Variants in JAM3 observed in about 807,000 individuals in gnomAD.
JAM3 encodes the protein junctional adhesion molecule 3, also known as junctional adhesion molecule C.
JAM3 carries 31 observed loss-of-function variants against 39.4 expected under a neutral mutation model. The observed-to-expected ratio is 0.79, with a 90% CI of 0.59 to 1.06. The LOEUF (loss-of-function observed/expected upper bound fraction) is 1.06. Ranked by LOEUF, JAM3 falls within the 50% of genes least tolerant of loss-of-function variation. The pLI is 0.00. For synonymous variants in JAM3, 182 were observed against 148.7 expected (o/e 1.22, Z -1.63); for missense variants, 455 against 391.4 (o/e 1.16, Z -1.37).
intron 1 of JAM3, among the ~76,000 whole-genome samples, chr11:134,127,727 A>G (rs1194831665): frequency 6.6e-6 from 1 of 152,234 alleles, no homozygotes; most frequent in African/African-American, 2.4e-5. Flanking sequence ...GATGCCTTTG[A>G]AAATAAATAC....
At chr11:134,144,211 GT>G (rs750770795) in intron 3 of JAM3, 29 bp from the exon 4 acceptor site, 3 of 1,613,788 alleles carry the variant, frequency 1.9e-6, no homozygotes, top group East Asian at 4.5e-5. Context: ...CTTTAAAGAA[GT>G]TTTTTAGTGC....
chr11:134,144,166 C>A, intron 3 of JAM3, 75 bp from the exon 4 acceptor site: 5 of 1,489,394 alleles, frequency 3.4e-6, no homozygotes, highest in Non-Finnish European at 4.7e-6. Flanking sequence ...CTAGTGCTAG[C>A]CCCAGAAACC....
At chr11:134,100,333 C>G (rs913689134) in intron 1 of JAM3, among the ~76,000 whole-genome samples, 13 of 152,150 alleles carry the variant, frequency 8.5e-5, no homozygotes, top group Non-Finnish European at 1.5e-4. Flanking sequence ...TGCTTTCCAC[C>G]CACAGAGCCT....
In JAM3 at chr11:134,122,378, C is replaced by G. The variant is rs553717464; in HGVS notation, c.77-17473C>G. 3.3e-5 allele frequency among the ~76,000 whole-genome samples: 5 copies of G among 152,202 alleles called. No individual in the cohort carries two copies. The East Asian group carries it at 9.6e-4, about 29-fold the overall frequency. ...TTTAGAGGTAAAAATAGTGCAAGAG[C>G]CCCTGATGGTACCCCTCTACCTGCT... On this transcript the variant is annotated intron_variant, in intron 1 of 8. Transcript: ENST00000299106.
chr11:134,104,824 A>G (rs1208159591), intron 1 of JAM3, among the ~76,000 whole-genome samples: 1 of 152,182 alleles, frequency 6.6e-6, no homozygotes, highest in Non-Finnish European at 1.5e-5. Context: ...GAATCCCTGA[A>G]TAGACCAATA....
rs1312622682 is a variant in JAM3, at chr11:134,150,399, G to A, written c.*1218G>A. ...CCAGTCAGCTCCTGGGGTTGCGCCA[G>A]GCGCCCCCGCTCTAGCTCACTGTTG... On this transcript the variant is annotated 3_prime_UTR_variant, in exon 9 of 9. Transcript: ENST00000299106. 1 of 152,328 alleles carries A rather than the reference G, an allele frequency of 6.6e-6. No homozygotes were observed. The highest frequency in any genetic ancestry group is 1.5e-5 in the Non-Finnish European group (1 of 68,098). 9.4% of individuals were successfully genotyped at this position (152,328 alleles called of 1,614,324 possible). A position where few individuals can be genotyped will look rare whatever the true frequency, so the allele number is the denominator to read the frequency against.
At chr11:134,147,314 TGTG>T (rs1469487332) in intron 6 of JAM3, among the ~76,000 whole-genome samples, 3 of 151,118 alleles carry the variant, frequency 2.0e-5, no homozygotes, top group East Asian at 2.0e-4. Flanking sequence ...ATTAGCCTGG[TGTG>T]GTGGCAGGCG....
intron 1 of JAM3, among the ~76,000 whole-genome samples, chr11:134,119,164 G>T (rs1368365366): frequency 6.6e-6 from 1 of 152,004 alleles, no homozygotes; most frequent in Non-Finnish European, 1.5e-5. Context: ...GATCTCAAGT[G>T]ATCTGCCCTC....
At chr11:134,102,812 G>GA (rs1375194862) in intron 1 of JAM3, among the ~76,000 whole-genome samples, 4 of 152,070 alleles carry the variant, frequency 2.6e-5, no homozygotes, top group East Asian at 1.9e-4. Flanking sequence ...GAAGTTTAGA[G>GA]AAAAAAGTAA....
intron 1 of JAM3, among the ~76,000 whole-genome samples, chr11:134,112,536 G>GAC (rs138360443): frequency 1.3e-5 from 2 of 152,074 alleles, no homozygotes; most frequent in African/African-American, 4.8e-5. Context: ...TATGTACGAT[G>GAC]ACACACACAC....
intron 1 of JAM3, among the ~76,000 whole-genome samples, chr11:134,110,425 G>A (rs904621238): frequency 2.0e-5 from 3 of 152,184 alleles, no homozygotes; most frequent in Non-Finnish European, 4.4e-5. Context: ...TAAACATCTG[G>A]TGGTATTTCC....
At chr11:134,124,138 C>G (rs1942592035) in intron 1 of JAM3, 3 of 1,484,712 alleles carry the variant, frequency 2.0e-6, no homozygotes, top group Non-Finnish European at 2.8e-6. Flanking sequence ...AATGGCCAAT[C>G]TAGAAGGTGG....
At chr11:134,089,710 G>A (rs1941808844) in intron 1 of JAM3, among the ~76,000 whole-genome samples, 1 of 152,130 alleles carries the variant, frequency 6.6e-6, no homozygotes, top group Non-Finnish European at 1.5e-5. Context: ...GTCTATCATT[G>A]GTGGACATTT....
intron 1 of JAM3, among the ~76,000 whole-genome samples, chr11:134,111,393 C>T (rs936210673): frequency 2.0e-5 from 3 of 152,014 alleles, no homozygotes; most frequent in Non-Finnish European, 4.4e-5. Context: ...CCGCCCACCT[C>T]GGCCTCCCAC....
rs1009556670 is a variant in JAM3 at position 134,070,085 on chromosome 11, G to A, written c.76+926G>A. The A allele has an allele frequency of 2.2e-5, 10 of 451,316 alleles. No individual in the cohort carries two copies. The East Asian group carries it at 4.2e-4, about 19-fold the overall frequency. 28.0% of individuals were successfully genotyped at this position (451,316 alleles called of 1,614,324 possible). A position where few individuals can be genotyped will look rare whatever the true frequency, so the allele number is the denominator to read the frequency against. Reference sequence around the variant, plus strand: ...AAAATAGCTTTCCTTTAGTGAGCTTGTACTGTCTACTAGGCACTTTGGAGC... The same window carrying A: ...AAAATAGCTTTCCTTTAGTGAGCTTATACTGTCTACTAGGCACTTTGGAGC... On this transcript the variant is annotated intron_variant, in intron 1 of 8. Transcript: ENST00000299106.
rs545007601 is a variant in JAM3, at chr11:134,140,037, G to A, written c.142+121G>A. ...GCCAGGGAGATGTTCCGGGTGGACT[G>A]CTCTGCGGTGCACAGGCCTGGAAGC... On this transcript the variant is annotated intron_variant, in intron 2 of 8. Coordinates refer to ENST00000299106, the MANE Select transcript of JAM3 (RefSeq NM_032801.5). 9 of 792,028 alleles carry A rather than the reference G, an allele frequency of 1.1e-5. No homozygotes were observed. In the Admixed American group the frequency reaches 1.2e-4, roughly 10 times the overall value. The allele number at this position is 792,028 out of a possible 1,614,324, so 49.1% of individuals were successfully genotyped here.
At chr11:134,119,964 T>C (rs1942503126) in intron 1 of JAM3, among the ~76,000 whole-genome samples, 1 of 152,176 alleles carries the variant, frequency 6.6e-6, no homozygotes, top group Non-Finnish European at 1.5e-5. Context: ...CCATATTTGA[T>C]CGATTTACTA....
intron 1 of JAM3, among the ~76,000 whole-genome samples, chr11:134,116,363 A>G (rs1942433843): frequency 6.6e-6 from 1 of 152,122 alleles, no homozygotes. Flanking sequence ...GTTCATTGTA[A>G]TTCTCCTGTA....
At chr11:134,142,875 C>T (rs1478805332) in intron 3 of JAM3, among the ~76,000 whole-genome samples, 1 of 152,210 alleles carries the variant, frequency 6.6e-6, no homozygotes, top group Non-Finnish European at 1.5e-5. Flanking sequence ...TGGCTGACGT[C>T]TTTCACTCAG....
Sources: allele counts gnomAD v4.1 joint callset (sites outside exome capture counted in the v4.1 genomes callset), GRCh38; gene constraint gnomAD v4.1.1; transcripts MANE v1.5; gene names NCBI Gene and HGNC (gene_info 2026-07-23, HGNC 2026-07-21).